The following EDIL3 variants were observed in gnomAD, a reference collection of about 807,000 sequenced individuals.
The protein encoded by EDIL3 is EGF like and discoidin domains 3, also known as EGF-like repeat and discoidin I-like domain-containing protein 3.
Under a neutral mutation model 67.4 loss-of-function variants are expected in EDIL3, and 37 were observed. The observed-to-expected ratio is 0.55, with a 90% CI of 0.42 to 0.72. The LOEUF (loss-of-function observed/expected upper bound fraction) is 0.72. EDIL3 is among the 30% of genes least tolerant of loss of function. The pLI is 0.00. For missense variants in EDIL3, 527 were observed against 586.3 expected, an observed-to-expected ratio of 0.90 and a Z score of 1.04; for synonymous variants, 195 against 196.3, an observed-to-expected ratio of 0.99 and a Z score of 0.05.
intron 2 of EDIL3, among the ~76,000 whole-genome samples, chr5:84,235,776 A>G (rs1744670358): frequency 6.6e-6 from 1 of 151,982 alleles, no homozygotes; most frequent in South Asian, 2.1e-4. Context: ...TCATCATATA[A>G]ATATATACAT....
At chr5:84,085,896 G>T (rs1747060578) in intron 6 of EDIL3, among the ~76,000 whole-genome samples, 1 of 152,204 alleles carries the variant, frequency 6.6e-6, no homozygotes, top group Non-Finnish European at 1.5e-5. Flanking sequence ...CCTGCCCAGT[G>T]AGGAGGAATC....
chr5:84,340,534 C>CTCTCTCTCTCTA (rs1432966515), intron 1 of EDIL3, among the ~76,000 whole-genome samples: 33 of 54,206 alleles, frequency 6.1e-4, no homozygotes, highest in East Asian at 1.4e-3. Context: ...CTCTCTCTCT[C>CTCTCTCTCTCTA]TATATATATA....
intron 9 of EDIL3, among the ~76,000 whole-genome samples, chr5:83,971,563 T>C (rs564178010): frequency 1.1e-4 from 16 of 151,936 alleles, no homozygotes; most frequent in Non-Finnish European, 1.6e-4. Context: ...AATTTGGTTG[T>C]TTTTTTTATC....
chr5:84,149,805 A>G (rs2112328688), intron 4 of EDIL3, among the ~76,000 whole-genome samples: 1 of 152,210 alleles, frequency 6.6e-6, no homozygotes, highest in East Asian at 1.9e-4. Flanking sequence ...TGAAACTAAC[A>G]ATGTGTGAGA....
intron 1 of EDIL3, among the ~76,000 whole-genome samples, chr5:84,337,134 A>G (rs1747005425): frequency 6.6e-6 from 1 of 152,176 alleles, no homozygotes; most frequent in Non-Finnish European, 1.5e-5. Context: ...TAAAATTTGA[A>G]GAGGTGCCTT....
chr5:84,065,616 A>G (rs1431373963), intron 7 of EDIL3, among the ~76,000 whole-genome samples: 1 of 150,292 alleles, frequency 6.7e-6, no homozygotes, highest in Non-Finnish European at 1.5e-5. Context: ...TCGATGAAGA[A>G]CTAACAAAAG....
At chr5:84,137,050 A>T (rs575488326) in intron 5 of EDIL3, among the ~76,000 whole-genome samples, 191 bp downstream of exon 5, 18 of 152,288 alleles carry the variant, frequency 1.2e-4, no homozygotes, top group African/African-American at 4.3e-4. Flanking sequence ...ACATACCACA[A>T]ATATGAAAAG....
At chr5:83,949,868 G>A (rs1263990311) in intron 10 of EDIL3, among the ~76,000 whole-genome samples, 15 of 151,744 alleles carry the variant, frequency 9.9e-5, no homozygotes, top group Admixed American at 9.9e-4. Context: ...GAGTATTTTT[G>A]TTTCCCAGGG....
rs1160028607 is a variant in EDIL3, at chr5:84,050,827, G to C, written c.1137+9473C>G. ...ACAAAGCAGCCAGGAAGCTTGAACT[G>C]GGTGAAGCCCACCGCAGCTCAAGGA... On this transcript the variant is annotated intron_variant, in intron 9 of 10. Transcript: ENST00000296591. Among the ~76,000 whole-genome samples the C allele has an allele frequency of 1.3e-5, 2 of 152,184 alleles. 1 individual carries two copies. Among genetic ancestry groups the C allele is most frequent in the Non-Finnish European group, 2.9e-5 (2 of 68,030 alleles).
intron 9 of EDIL3, among the ~76,000 whole-genome samples, chr5:83,992,153 T>C (rs1745161424): frequency 6.6e-6 from 1 of 152,218 alleles, no homozygotes; most frequent in Non-Finnish European, 1.5e-5. Flanking sequence ...CTATTGTCAC[T>C]GTGCTACATT....
chr5:84,376,496 G>A (rs1324087464), intron 1 of EDIL3, among the ~76,000 whole-genome samples: 1 of 152,146 alleles, frequency 6.6e-6, no homozygotes, highest in African/African-American at 2.4e-5. Flanking sequence ...ACACAGTTAA[G>A]TACTTTATAT....
At chr5:84,216,508 C>T (rs1299550532) in intron 3 of EDIL3, among the ~76,000 whole-genome samples, 1 of 152,086 alleles carries the variant, frequency 6.6e-6, no homozygotes, top group African/African-American at 2.4e-5. Context: ...GTAAGATAAG[C>T]ACAAGTTTTT....
intron 1 of EDIL3, among the ~76,000 whole-genome samples, chr5:84,383,060 C>T (rs1048877238): frequency 1.3e-5 from 2 of 152,228 alleles, no homozygotes; most frequent in African/African-American, 4.8e-5. Context: ...CATACTCTGT[C>T]TAATCTCAAG....
intron 4 of EDIL3, among the ~76,000 whole-genome samples, chr5:84,150,928 C>T (rs1467462508): frequency 6.6e-6 from 1 of 151,924 alleles, no homozygotes; most frequent in Admixed American, 6.6e-5. Flanking sequence ...AAATAATATA[C>T]AGTGTCTATT....
intron 1 of EDIL3, among the ~76,000 whole-genome samples, chr5:84,262,361 A>C (rs1745240309): frequency 1.3e-5 from 2 of 151,872 alleles, no homozygotes. Context: ...GGAAAGAGGA[A>C]GTTTGGAAGT....
At chr5:84,294,155 G>T (rs2124938) in intron 1 of EDIL3, among the ~76,000 whole-genome samples, 3 of 150,386 alleles carry the variant, frequency 2.0e-5, no homozygotes, top group African/African-American at 7.5e-5. Context: ...AGGCCGAGAC[G>T]GGTGGATCAC....
At chr5:83,959,875 A>G (rs541404932) in intron 10 of EDIL3, among the ~76,000 whole-genome samples, 1 of 151,150 alleles carries the variant, frequency 6.6e-6, no homozygotes, top group East Asian at 2.0e-4. Context: ...TCATTGATAT[A>G]TATGTATATT....
intron 6 of EDIL3, among the ~76,000 whole-genome samples, chr5:84,080,107 T>C (rs1392362733): frequency 9.9e-5 from 3 of 30,374 alleles, no homozygotes; most frequent in Non-Finnish European, 1.7e-4. Flanking sequence ...CCGTCTCTAC[T>C]AAAAATACAA....
chr5:84,016,755 A>G (rs1745614120), intron 9 of EDIL3, among the ~76,000 whole-genome samples: 1 of 152,198 alleles, frequency 6.6e-6, no homozygotes, highest in African/African-American at 2.4e-5. Flanking sequence ...ATATATGTAA[A>G]CATTCCAAAA....
Sources: allele counts gnomAD v4.1 joint callset (sites outside exome capture counted in the v4.1 genomes callset), GRCh38; gene constraint gnomAD v4.1.1; transcripts MANE v1.5; gene names NCBI Gene and HGNC (gene_info 2026-07-23, HGNC 2026-07-21).